Variants in SPATA21 observed in about 807,000 individuals in gnomAD.
SPATA21 encodes spermatogenesis associated 21, also known as spermatogenesis-associated protein 21.
SPATA21 carries 47 observed loss-of-function variants against 54.8 expected under a neutral mutation model. The ratio of observed to expected loss-of-function variants is 0.86; its 90% CI spans 0.68 to 1.09. The LOEUF is 1.09. Ranked by LOEUF, SPATA21 falls within the 50% of genes least tolerant of loss-of-function variation. SPATA21 has a pLI of 0.00. For synonymous variants in SPATA21, 245 were observed against 235.3 expected (o/e 1.04, Z -0.38); for missense variants, 599 against 596.4 (o/e 1.00, Z -0.05).
intron 11 of SPATA21, chr1:16,400,480 A>G: frequency 7.9e-7 from 1 of 1,271,942 alleles, no homozygotes; most frequent in Non-Finnish European, 9.9e-7. Flanking sequence ...CATGGGACCA[A>G]CCTGTGCTCA....
chr1:16,426,247 A>G (rs1035369331), intron 3 of SPATA21, among the ~76,000 whole-genome samples: 3 of 148,986 alleles, frequency 2.0e-5, no homozygotes, highest in South Asian at 2.1e-4. Context: ...TCCTATGCGT[A>G]TGCATACTTA....
chr1:16,428,085 C>T lies in SPATA21; in HGVS notation c.34+3253G>A, dbSNP rs1462195143. 2.5e-5 allele frequency: 38 copies of T among 1,495,988 alleles called. No homozygotes were observed. The highest frequency in any genetic ancestry group is 1.2e-4 in the Admixed American group (6 of 49,956). 92.7% of individuals were successfully genotyped at this position (1,495,988 alleles called of 1,614,324 possible). A position where few individuals can be genotyped will look rare whatever the true frequency, so the allele number is the denominator to read the frequency against. On this transcript the variant is annotated intron_variant, in intron 3 of 12. Coordinates refer to ENST00000335496, the MANE Select transcript of SPATA21 (RefSeq NM_198546.1). The surrounding 1 kb of genome is among the most constrained non-coding windows in gnomAD (Gnocchi z 4.3). ...GTACCCGTTCTGGAGTGATCCCTCCCACTCCTCCCTGGGTACTCTTCTGGC... is the reference window on the plus strand; with the variant it reads ...GTACCCGTTCTGGAGTGATCCCTCCTACTCCTCCCTGGGTACTCTTCTGGC...
rs950503352 is a variant in SPATA21 at position 16,421,784 on chromosome 1, C to G, written c.95+127G>C. ...CACAGATGGGGAAATTGAGACCCAGCGGAGCATGACTTGCCCAAGGTCCTC... is the reference window on the plus strand; with the variant it reads ...CACAGATGGGGAAATTGAGACCCAGGGGAGCATGACTTGCCCAAGGTCCTC... On this transcript the variant is annotated intron_variant, in intron 4 of 12. Transcript: ENST00000335496. The surrounding 1 kb of genome is among the most constrained non-coding windows in gnomAD (Gnocchi z 5.2). 1.3e-5 allele frequency: 19 copies of G among 1,413,282 alleles called. No homozygotes were observed. Among genetic ancestry groups the G allele is most frequent in the Non-Finnish European group, 1.9e-5 (19 of 1,011,118 alleles). 87.5% of individuals were successfully genotyped at this position (1,413,282 alleles called of 1,614,324 possible).
At position 16,400,786 on chromosome 1, in the gene SPATA21, C is replaced by T. The variant is rs577498922; in HGVS notation, c.1108G>A (p.Glu370Lys). The T allele has an allele frequency of 1.2e-6, 2 of 1,613,538 alleles. No individual in the cohort carries two copies. The highest frequency in any genetic ancestry group is 8.5e-7 in the Non-Finnish European group (1 of 1,179,924). The change falls in exon 11 of 13, where the codon GAG (glutamate) becomes AAG (lysine). Residue 370 changes from glutamate to lysine, a missense_variant. Coordinates refer to ENST00000335496, the MANE Select transcript of SPATA21 (RefSeq NM_198546.1). ...QKLPYNPQQE[E>K]SSEVPERKVL... ...TTTCGTTCTGGAACTTCTGAGCTCTCTTCTTGCTGGGGGTTGTAGGGAAGC... is the reference window on the plus strand; with the variant it reads ...TTTCGTTCTGGAACTTCTGAGCTCTTTTCTTGCTGGGGGTTGTAGGGAAGC...
rs765781485 is a variant in SPATA21, at chr1:16,399,346, GT to G, written c.1349del (p.Asn450ThrfsTer26). On this transcript the variant is annotated frameshift_variant, in exon 12 of 13. Coordinates refer to ENST00000335496, the MANE Select transcript of SPATA21 (RefSeq NM_198546.1). LOFTEE classifies it high-confidence loss of function. The stretch of plus-strand genomic sequence containing the variant: ...GGACCCTTTCTCTGGGCACCCACCT[GT>G]TTCCTTGAGATCCTGACTGGAAGAA... ...SPFFQSGSQG[N>X]REHNSDSRKW... 5 of 1,610,216 alleles carry G rather than the reference GT, an allele frequency of 3.1e-6. No homozygotes were observed. In the African/African-American group the frequency reaches 6.7e-5, roughly 22 times the overall value.
intron 2 of SPATA21, among the ~76,000 whole-genome samples, chr1:16,432,171 G>T (rs1455294528): frequency 6.7e-6 from 1 of 148,816 alleles, no homozygotes; most frequent in Non-Finnish European, 1.5e-5. Flanking sequence ...GCCCAGGCTG[G>T]AGTGCAGTGC....
rs1055124339 is a variant in SPATA21, at chr1:16,409,006, A to G, written c.673+112T>C. 5 of 1,136,398 alleles carry G rather than the reference A, an allele frequency of 4.4e-6. No individual in the cohort carries two copies. Among genetic ancestry groups the G allele is most frequent in the Admixed American group, 4.0e-5 (2 of 50,150 alleles). 70.4% of individuals were successfully genotyped at this position (1,136,398 alleles called of 1,614,324 possible). The stretch of plus-strand genomic sequence containing the variant: ...AAAACCCCTGCTGGGTCTGCTACAC[A>G]TGGCGGCAGCCATGTGATCTGGAAA... On this transcript the variant is annotated intron_variant, in intron 7 of 12. Transcript: ENST00000335496. This position sits in a 1 kb window ranked among gnomAD's most constrained non-coding sequence, Gnocchi z 4.1.
rs553119334 is a variant in SPATA21, at chr1:16,400,751, A to G, written c.1143T>C (p.Ser381=). Residue 381 remains serine (S), a synonymous_variant, in exon 11 of 13, where the codon AGT becomes AGC. Coordinates refer to ENST00000335496, the MANE Select transcript of SPATA21 (RefSeq NM_198546.1). The part of the protein sequence containing the change: ...SSEVPERKVL[S]ILSRLKQQNY... ...TCTGCTGCTTCAGCCGGCTCAGGAT[A>G]CTGAGGACCTTTCGTTCTGGAACTT... 31 of 1,614,156 alleles carry G rather than the reference A, an allele frequency of 1.9e-5. No individual in the cohort carries two copies. The African/African-American group carries it at 4.1e-4, about 22-fold the overall frequency.
At chr1:16,402,249 C>CTTTTTTTTTTTTTTTTTTTTTTTTTT in intron 10 of SPATA21, among the ~76,000 whole-genome samples, 1 of 55,946 alleles carries the variant, frequency 1.8e-5, no homozygotes, top group Non-Finnish European at 2.9e-5. Context: ...AGCTGCCATT[C>CTTTTTTTTTTTTTTTTTTTTTTTTTT]TTTTTTTTTT....
At chr1:16,430,114 C>CAAAA (rs1226598581) in intron 3 of SPATA21, among the ~76,000 whole-genome samples, 4 of 53,148 alleles carry the variant, frequency 7.5e-5, no homozygotes, top group African/African-American at 1.6e-4. Flanking sequence ...GACTCTATCT[C>CAAAA]AAAAAAAAAA....
At chr1:16,398,430 TG>T (rs2085349083), downstream of SPATA21, among the ~76,000 whole-genome samples, 1 of 152,136 alleles carries the variant, frequency 6.6e-6, no homozygotes, top group African/African-American at 2.4e-5. Flanking sequence ...GCTGCTTTTG[TG>T]GGGCTCCCAG....
chr1:16,408,524 A>T, intron 7 of SPATA21: 3 of 985,830 alleles, frequency 3.0e-6, no homozygotes, highest in Non-Finnish European at 3.6e-6. Flanking sequence ...GGCATCTGTC[A>T]TTCTCTCAGA....
At chr1:16,433,328 C>T (rs1319653400) in intron 1 of SPATA21, among the ~76,000 whole-genome samples, 1 of 152,244 alleles carries the variant, frequency 6.6e-6, no homozygotes, top group Non-Finnish European at 1.5e-5. Flanking sequence ...GGTGGGGTGA[C>T]CTCCCACCCC....
chr1:16,405,075 C>A lies in SPATA21; in HGVS notation c.703G>T (p.Gly235Cys), dbSNP rs1249802894. Residue 235 changes from glycine (G) to cysteine (C), a missense_variant, in exon 8 of 13, where the codon GGT becomes TGT. Transcript: ENST00000335496. Reference sequence around the variant, plus strand: ...CTCTGTGCATCCACCTCACCAGGACCATTGAAGATCTCAAAGTAGCTGCGG... The same window carrying A: ...CTCTGTGCATCCACCTCACCAGGACAATTGAAGATCTCAAAGTAGCTGCGG... ...AFRSYFEIFN[G>C]PGEVDAQSLK... is the part of the protein sequence containing the mutation. The A allele has an allele frequency of 3.1e-6, 5 of 1,609,488 alleles. No individual in the cohort carries two copies. Among genetic ancestry groups the A allele is most frequent in the Non-Finnish European group, 4.2e-6 (5 of 1,178,342 alleles).
chr1:16,432,927 G>A lies in SPATA21; in HGVS notation c.-186-3C>T, dbSNP rs1247371439. The A allele has an allele frequency of 6.6e-6, 1 of 152,210 alleles. No individual in the cohort carries two copies. Among genetic ancestry groups the A allele is most frequent in the Non-Finnish European group, 1.5e-5 (1 of 68,062 alleles). The allele number at this position is 152,210 out of a possible 1,614,324, so 9.4% of individuals were successfully genotyped here. A position where few individuals can be genotyped will look rare whatever the true frequency, so the allele number is the denominator to read the frequency against. The stretch of plus-strand genomic sequence containing the variant: ...CCCTGTGAAGTCTGGGTTCAGCCCT[G>A]TTTTAAAGATAGGGAAATTAAGGCT... On this transcript the variant is annotated splice_polypyrimidine_tract_variant and splice_region_variant and intron_variant, in intron 1 of 12. Transcript: ENST00000335496.
rs774713968 is a variant in SPATA21 at position 16,399,563 on chromosome 1, G to A, written c.1175-42C>T. ...CAGAAGGAGGAATGCTTCACAGCAT[G>A]CCCAGCCTTGGGAAGCAGGCAGATT... is the stretch of plus-strand genomic sequence containing the variant. On this transcript the variant is annotated intron_variant, in intron 11 of 12. Transcript: ENST00000335496. 5.7e-6 allele frequency: 9 copies of A among 1,588,774 alleles called. No homozygotes were observed. The South Asian group carries it at 8.0e-5, about 14-fold the overall frequency.
intron 3 of SPATA21, chr1:16,425,376 G>T: frequency 2.4e-6 from 2 of 847,792 alleles, no homozygotes; most frequent in Non-Finnish European, 3.7e-6. Flanking sequence ...GACCTCCTGG[G>T]CTCAAGGGAT....
intron 3 of SPATA21, among the ~76,000 whole-genome samples, chr1:16,426,539 G>A (rs757581670): frequency 6.9e-5 from 10 of 145,058 alleles, no homozygotes; most frequent in Non-Finnish European, 1.0e-4. Context: ...GATTACAGGC[G>A]TGAACCATGG....
At chr1:16,398,281 T>A (rs78495056), downstream of SPATA21, 151 of 161,786 alleles carry the variant, frequency 9.3e-4, no homozygotes, top group Admixed American at 1.9e-3. Flanking sequence ...GTATGTGGGT[T>A]GAGGGGAAAG....
Sources: allele counts gnomAD v4.1 joint callset (sites outside exome capture counted in the v4.1 genomes callset), GRCh38; gene constraint gnomAD v4.1.1; non-coding constraint Gnocchi (gnomAD v3.1); transcripts MANE v1.5; gene names NCBI Gene and HGNC (gene_info 2026-07-23, HGNC 2026-07-21).